The following POLR2B variants were observed in gnomAD, a reference collection of about 807,000 sequenced individuals.
The protein encoded by POLR2B is DNA-directed RNA polymerase II subunit RPB2.
Under a neutral mutation model 144.6 loss-of-function variants are expected in POLR2B, and 57 were observed. The ratio of observed to expected loss-of-function variants is 0.39; its 90% CI spans 0.32 to 0.49. The LOEUF (loss-of-function observed/expected upper bound fraction) is 0.49, where lower values mean the gene tolerates loss of function less well. Ranked by LOEUF, POLR2B falls within the 20% of genes least tolerant of loss-of-function variation. The probability of loss-of-function intolerance (pLI) is 0.83; values close to 1 mark genes in which losing one functional copy is unlikely to be tolerated. For synonymous variants in POLR2B, 442 were observed against 469.8 expected (o/e 0.94, Z 0.77); for missense variants, 595 against 1,467.4 (o/e 0.41, Z 9.71).
chr4:56,979,481 C>T (rs1722085771), intron 1 of POLR2B, among the ~76,000 whole-genome samples: 1 of 152,020 alleles, frequency 6.6e-6, no homozygotes, highest in Non-Finnish European at 1.5e-5. Flanking sequence ...TTTAGTCTGA[C>T]ATTTCTTCAT....
chr4:56,980,196 G>C (rs1722113168), intron 1 of POLR2B, among the ~76,000 whole-genome samples: 1 of 151,580 alleles, frequency 6.6e-6, no homozygotes, highest in Admixed American at 6.6e-5. Flanking sequence ...AAAGTGCTGG[G>C]ATTACAAGCA....
At chr4:57,000,206 C>T (rs1226525287) in intron 7 of POLR2B, among the ~76,000 whole-genome samples, 6 of 152,234 alleles carry the variant, frequency 3.9e-5, no homozygotes, top group East Asian at 3.9e-4. Flanking sequence ...GAGGCCAGGG[C>T]GGGAGGATCA....
At chr4:57,011,184 A>G (rs1723176650) in intron 13 of POLR2B, 84 bp downstream of exon 13, 3 of 851,496 alleles carry the variant, frequency 3.5e-6, no homozygotes, top group Non-Finnish European at 4.0e-6. Flanking sequence ...TTGCATTGGC[A>G]TCTTTTCTTT....
In POLR2B at chr4:57,005,583, T is replaced by TTTC. The variant is rs11406328; in HGVS notation, c.1098-15_1098-14insCTT. The TTTC allele has an allele frequency of 3.0e-3, 2,030 of 671,216 alleles. No individual in the cohort carries two copies. The highest frequency in any genetic ancestry group is 3.4e-3 in the South Asian group (143 of 42,478). The allele number at this position is 671,216 out of a possible 1,614,324, so 41.6% of individuals were successfully genotyped here. On this transcript the variant is annotated splice_polypyrimidine_tract_variant and intron_variant, in intron 8 of 24. Transcript: ENST00000314595. ...AGTGTTTTCCCTCTTTCTTTCTTTC[T>TTTC]TTTTTTTTTTTTAAAGATACATGGT...
rs1462913268 is a variant in POLR2B, at chr4:57,030,306, T to C, written c.3342T>C (p.Tyr1114=). 1.2e-6 allele frequency: 2 copies of C among 1,614,018 alleles called. No individual in the cohort carries two copies. Among genetic ancestry groups the C allele is most frequent in the Non-Finnish European group, 1.7e-6 (2 of 1,179,968 alleles). Residue 1114 remains tyrosine, a synonymous_variant, in exon 24 of 25, where the codon TAT becomes TAC. Coordinates refer to ENST00000314595, the MANE Select transcript of POLR2B (RefSeq NM_000938.3). ...RERLFEASDP[Y]QVHVCNLCGI... is the part of the protein sequence containing the mutation. ...GATTGTTTGAGGCATCAGATCCATA[T>C]CAGGTTCATGTTTGCAATCTTTGTG... is the stretch of plus-strand genomic sequence containing the variant.
At chr4:56,984,667 G>A (rs1297364486) in intron 1 of POLR2B, among the ~76,000 whole-genome samples, 1 of 151,994 alleles carries the variant, frequency 6.6e-6, no homozygotes, top group Non-Finnish European at 1.5e-5. Flanking sequence ...CCTTCCCTCA[G>A]GTGTAGGGAT....
At chr4:56,998,823 A>G (rs1321098111) in intron 6 of POLR2B, among the ~76,000 whole-genome samples, 1 of 152,220 alleles carries the variant, frequency 6.6e-6, no homozygotes, top group Admixed American at 6.5e-5. Flanking sequence ...TGGGTGTCAT[A>G]TATGAAAAGT....
At chr4:57,021,693 G>A (rs1434106612) in intron 17 of POLR2B, among the ~76,000 whole-genome samples, 1 of 151,848 alleles carries the variant, frequency 6.6e-6, no homozygotes, top group Non-Finnish European at 1.5e-5. Flanking sequence ...TAGAGACGGG[G>A]TTTCACCATG....
intron 24 of POLR2B, chr4:57,030,649 T>G: frequency 1.8e-6 from 1 of 547,604 alleles, no homozygotes; most frequent in Non-Finnish European, 3.2e-6. Flanking sequence ...TACAAGGGAT[T>G]TTAAACAATG....
intron 21 of POLR2B, 40 bp downstream of exon 21, chr4:57,024,152 GCTT>G: frequency 1.8e-6 from 2 of 1,083,060 alleles, no homozygotes; most frequent in Non-Finnish European, 2.8e-6. Context: ...CTAAGCTGAT[GCTT>G]CTTCTAAAAC....
chr4:57,023,238 G>A lies in POLR2B; in HGVS notation c.2516-92G>A. ...TGTGATTCATGGTATAGAGACTCCT[G>A]TGGCCTTCTCTCTGACTTGGAACTG... On this transcript the variant is annotated intron_variant, in intron 18 of 24. Transcript: ENST00000314595. This position sits in a 1 kb window ranked among gnomAD's most constrained non-coding sequence, Gnocchi z 4.3. 2 of 1,215,518 alleles carry A rather than the reference G, an allele frequency of 1.6e-6. No homozygotes were observed. 75.3% of individuals were successfully genotyped at this position (1,215,518 alleles called of 1,614,324 possible). A position where few individuals can be genotyped will look rare whatever the true frequency, so the allele number is the denominator to read the frequency against.
At chr4:56,988,781 T>C (rs932033148) in intron 2 of POLR2B, among the ~76,000 whole-genome samples, 12 of 152,204 alleles carry the variant, frequency 7.9e-5, no homozygotes, top group Admixed American at 7.9e-4. Context: ...CACCAAGAGA[T>C]ATTTTATTAG....
chr4:57,030,644 G>A (rs1723886688), intron 24 of POLR2B: 2 of 547,940 alleles, frequency 3.7e-6, no homozygotes, highest in Non-Finnish European at 6.4e-6. Context: ...CTTTGTACAA[G>A]GGATTTTAAA....
In POLR2B at chr4:57,023,631, A is replaced by G; in HGVS notation, c.2767-31A>G. On this transcript the variant is annotated intron_variant, in intron 19 of 24. Transcript: ENST00000314595. This position sits in a 1 kb window ranked among gnomAD's most constrained non-coding sequence, Gnocchi z 4.3. ...TAGTTTTAGAAAGTAAACCAAATCC[A>G]CTTAACTAACTTATTTTTATATGAA... 6.2e-7 allele frequency: 1 copy of G among 1,610,140 alleles called. No homozygotes were observed. Among genetic ancestry groups the G allele is most frequent in the Non-Finnish European group, 8.5e-7 (1 of 1,177,214 alleles).
At chr4:56,984,750 A>G (rs193302039) in intron 1 of POLR2B, among the ~76,000 whole-genome samples, 4 of 152,282 alleles carry the variant, frequency 2.6e-5, no homozygotes, top group Non-Finnish European at 5.9e-5. Context: ...TTGAACCCAG[A>G]TCTCCTGAAT....
intron 6 of POLR2B, among the ~76,000 whole-genome samples, chr4:56,996,406 G>A (rs866657886): frequency 6.8e-6 from 1 of 147,324 alleles, no homozygotes; most frequent in Admixed American, 6.9e-5. Flanking sequence ...TCAGCCTCCC[G>A]AGTAGCTGGG....
chr4:57,029,456 G>A (rs1039412291), intron 23 of POLR2B, among the ~76,000 whole-genome samples: 8 of 152,098 alleles, frequency 5.3e-5, no homozygotes, highest in Admixed American at 4.6e-4. Context: ...GTCCAAAGTC[G>A]ACCAATGATT....
chr4:56,999,547 T>C, intron 6 of POLR2B, 70 bp from the exon 7 acceptor site: 1 of 973,932 alleles, frequency 1.0e-6, no homozygotes. Context: ...TATTAAATAG[T>C]TCTCTTGGTG....
chr4:56,980,718 T>C (rs558710863), intron 1 of POLR2B, among the ~76,000 whole-genome samples: 9 of 152,068 alleles, frequency 5.9e-5, no homozygotes, highest in Non-Finnish European at 8.8e-5. Flanking sequence ...AAGTGTCACG[T>C]CTCCTTCTTA....
Sources: gnomAD v4.1 joint callset for allele counts (sites outside exome capture counted in the v4.1 genomes callset) on GRCh38, gnomAD v4.1.1 for gene constraint, Gnocchi (gnomAD v3.1) non-coding constraint, MANE v1.5 for transcripts, NCBI Gene and HGNC (gene_info 2026-07-23, HGNC 2026-07-21) for gene names.